Variants in PREX2 observed in about 807,000 individuals in gnomAD.
PREX2 encodes phosphatidylinositol 3,4,5-trisphosphate-dependent Rac exchanger 2 protein.
PREX2 carries 107 observed loss-of-function variants against 203.2 expected under a neutral mutation model. The ratio of observed to expected loss-of-function variants is 0.53; its 90% CI spans 0.45 to 0.62. PREX2 has a LOEUF of 0.62. Ranked by LOEUF, PREX2 falls within the 20% of genes least tolerant of loss-of-function variation. The pLI is 0.00. For synonymous variants in PREX2, 672 were observed against 663.6 expected, an observed-to-expected ratio of 1.01 and a Z score of -0.19; for missense variants, 1,777 against 1,955.9, an observed-to-expected ratio of 0.91 and a Z score of 1.72.
chr8:68,105,609 A>G, intron 23 of PREX2: 1 of 1,082,994 alleles, frequency 9.2e-7, no homozygotes, highest in Admixed American at 4.9e-5. Context: ...TTTTACGTGC[A>G]TTATATAATT....
rs1806005199 is a variant in PREX2 at position 67,974,233 on chromosome 8, A to G, written c.141+21698A>G. 2.0e-5 allele frequency among the ~76,000 whole-genome samples: 3 copies of G among 152,280 alleles called. No individual in the cohort carries two copies. The South Asian group carries it at 6.2e-4, about 32-fold the overall frequency. Reference sequence around the variant, plus strand: ...CCTCGTGTTTGAAAGCTTTTCTTTCAGTGGTGCCTTGGTGTACTACTTTGG... The same window carrying G: ...CCTCGTGTTTGAAAGCTTTTCTTTCGGTGGTGCCTTGGTGTACTACTTTGG... On this transcript the variant is annotated intron_variant, in intron 1 of 39. Transcript: ENST00000288368.
At chr8:68,190,292 G>A (rs1373878286) in intron 35 of PREX2, among the ~76,000 whole-genome samples, 1 of 152,002 alleles carries the variant, frequency 6.6e-6, no homozygotes, top group African/African-American at 2.4e-5. Context: ...TCACATTCTA[G>A]AAATGTGAAG....
At chr8:67,976,722 A>G (rs1806118815) in intron 1 of PREX2, among the ~76,000 whole-genome samples, 1 of 110,172 alleles carries the variant, frequency 9.1e-6, no homozygotes, top group Admixed American at 9.8e-5. Flanking sequence ...AGAGACAGAG[A>G]GAGAGACAGA....
At chr8:68,184,277 A>G (rs1812145894) in intron 35 of PREX2, among the ~76,000 whole-genome samples, 1 of 152,106 alleles carries the variant, frequency 6.6e-6, no homozygotes, top group Non-Finnish European at 1.5e-5. Context: ...ATAGATTTAT[A>G]TTTTCCTAAT....
chr8:68,119,227 G>C lies in PREX2; in HGVS notation c.3422-205G>C, dbSNP rs548710855. 2.0e-5 allele frequency among the ~76,000 whole-genome samples: 3 copies of C among 152,284 alleles called. No individual in the cohort carries two copies. In the East Asian group the frequency reaches 5.8e-4, roughly 29 times the overall value. The stretch of plus-strand genomic sequence containing the variant: ...AGAGTCTTTAACAAGTATCTTTTCT[G>C]GGAGGCACTCCGCCTTCAGAAGAAA... On this transcript the variant is annotated intron_variant, in intron 27 of 39. Coordinates refer to ENST00000288368, the MANE Select transcript of PREX2 (RefSeq NM_024870.4).
chr8:68,125,426 G>T (rs1246298314), intron 30 of PREX2, among the ~76,000 whole-genome samples: 1 of 152,000 alleles, frequency 6.6e-6, no homozygotes, highest in Admixed American at 6.6e-5. Context: ...TGATATCAAG[G>T]TGTCATAATT....
chr8:68,106,479 A>G, intron 23 of PREX2: 1 of 385,498 alleles, frequency 2.6e-6, no homozygotes, highest in Admixed American at 3.6e-5. Context: ...AATTTCCTGC[A>G]TTTCAATTCA....
chr8:67,980,102 T>G (rs6472365), intron 1 of PREX2, among the ~76,000 whole-genome samples: 52,427 of 152,018 alleles, frequency 0.34, 9,455 homozygotes, highest in East Asian at 0.61. Context: ...GGTGAAAAAG[T>G]TTTTCTATGC....
At chr8:68,103,148 C>T (rs945762739) in intron 23 of PREX2, among the ~76,000 whole-genome samples, 2 of 152,080 alleles carry the variant, frequency 1.3e-5, no homozygotes, top group Admixed American at 1.3e-4. Context: ...GGAAGTCTTC[C>T]TTTGAATGTC....
rs551552849 is a variant in PREX2, at chr8:67,961,419, TATA to T, written c.141+8887_141+8889del. Among the ~76,000 whole-genome samples the T allele has an allele frequency of 4.6e-5, 7 of 152,210 alleles. No individual in the cohort carries two copies. In the East Asian group the frequency reaches 1.3e-3, roughly 29 times the overall value. On this transcript the variant is annotated intron_variant, in intron 1 of 39. Transcript: ENST00000288368. ...TTAAAATCAAGATCTTTGATTTAAT[TATA>T]ATTGTAAATTGAAGAATTTACAATT...
chr8:68,047,824 T>C (rs1352330319), intron 8 of PREX2, among the ~76,000 whole-genome samples: 1 of 151,938 alleles, frequency 6.6e-6, no homozygotes, highest in Admixed American at 6.6e-5. Flanking sequence ...ACTAATTTCA[T>C]TGATATAGCT....
At chr8:68,024,273 A>G (rs1807650259) in intron 4 of PREX2, among the ~76,000 whole-genome samples, 1 of 152,064 alleles carries the variant, frequency 6.6e-6, no homozygotes, top group African/African-American at 2.4e-5. Flanking sequence ...ATTATTGAGA[A>G]TGAGATATTG....
chr8:67,962,849 C>A lies in PREX2; in HGVS notation c.141+10314C>A, dbSNP rs183927768. The stretch of plus-strand genomic sequence containing the variant: ...TCTCGAACTCCTGACCTCAGGTGAT[C>A]CACCTGTCTCGGCCTCCCAAAGTGC... On this transcript the variant is annotated intron_variant, in intron 1 of 39. Transcript: ENST00000288368. Among the ~76,000 whole-genome samples, 457 of 152,136 alleles carry A rather than the reference C, an allele frequency of 3.0e-3. 7 individuals are homozygous for A. In the East Asian group the frequency reaches 0.032, roughly 11 times the overall value.
chr8:67,959,328 G>A (rs375241592), intron 1 of PREX2, among the ~76,000 whole-genome samples: 4 of 152,302 alleles, frequency 2.6e-5, no homozygotes, highest in South Asian at 4.2e-4. Context: ...TCAGTAGAGC[G>A]TGTGAGCAAA....
At chr8:68,060,485 G>T (rs370375300) in intron 10 of PREX2, among the ~76,000 whole-genome samples, 194 bp from the exon 11 acceptor site, 4 of 152,182 alleles carry the variant, frequency 2.6e-5, no homozygotes, top group African/African-American at 9.7e-5. Context: ...ACAGACATGG[G>T]TTTTCTAGAA....
At chr8:68,115,705 T>C in intron 25 of PREX2, 48 bp from the exon 26 acceptor site, 1 of 1,375,842 alleles carries the variant, frequency 7.3e-7, no homozygotes, top group Middle Eastern at 1.8e-4. Flanking sequence ...TAGTTATATA[T>C]AGCAGACAGT....
Position 68,106,317 on chromosome 8 carries a change from C to G in PREX2, c.2716-1792C>G, listed in dbSNP as rs761519961. 4 of 514,812 alleles carry G rather than the reference C, an allele frequency of 7.8e-6. No homozygotes were observed. In the East Asian group the frequency reaches 1.7e-4, roughly 21 times the overall value. 31.9% of individuals were successfully genotyped at this position (514,812 alleles called of 1,614,324 possible). A position where few individuals can be genotyped will look rare whatever the true frequency, so the allele number is the denominator to read the frequency against. The stretch of plus-strand genomic sequence containing the variant: ...AAAGTTTTTTGCATCTAGCCTTAAA[C>G]TCTATGTCCCATATAAGCCTCCAAG... On this transcript the variant is annotated intron_variant, in intron 23 of 39. Coordinates refer to ENST00000288368, the MANE Select transcript of PREX2 (RefSeq NM_024870.4).
intron 23 of PREX2, chr8:68,105,115 G>T: frequency 7.3e-7 from 1 of 1,365,876 alleles, no homozygotes. Context: ...ATCAATTCAA[G>T]AACTGTACCT....
At chr8:68,002,001 G>A (rs1465336356) in intron 1 of PREX2, among the ~76,000 whole-genome samples, 2 of 151,830 alleles carry the variant, frequency 1.3e-5, no homozygotes, top group Non-Finnish European at 2.9e-5. Context: ...GCACCTGGGT[G>A]ATGAAATAAT....
Sources: gnomAD v4.1 joint callset for allele counts (sites outside exome capture counted in the v4.1 genomes callset) on GRCh38, gnomAD v4.1.1 for gene constraint, MANE v1.5 for transcripts, NCBI Gene and HGNC (gene_info 2026-07-23, HGNC 2026-07-21) for gene names.